Variants in MYO1E observed in about 807,000 individuals in gnomAD.
MYO1E encodes unconventional myosin-Ie.
Under a neutral mutation model 151.1 loss-of-function variants are expected in MYO1E, and 68 were observed. The observed-to-expected ratio is 0.45, with a 90% CI of 0.37 to 0.55. The LOEUF (loss-of-function observed/expected upper bound fraction) is 0.55. Ranked by LOEUF, MYO1E falls within the 20% of genes least tolerant of loss-of-function variation. The pLI is 0.00. For missense variants in MYO1E, 1,363 were observed against 1,389.3 expected, an observed-to-expected ratio of 0.98 and a Z score of 0.30; for synonymous variants, 601 against 501.7, an observed-to-expected ratio of 1.20 and a Z score of -2.64.
chr15:59,299,841 T>C (rs1359781636), intron 1 of MYO1E, among the ~76,000 whole-genome samples: 2 of 152,226 alleles, frequency 1.3e-5, no homozygotes, highest in Non-Finnish European at 2.9e-5. Flanking sequence ...AATCATCATT[T>C]ATGCCATTTA....
rs1279034391 is a variant in MYO1E, at chr15:59,173,843, A to G, written c.2237T>C (p.Ile746Thr). 6 of 1,613,960 alleles carry G rather than the reference A, an allele frequency of 3.7e-6. No homozygotes were observed. The highest frequency in any genetic ancestry group is 1.1e-5 in the South Asian group (1 of 91,078). The change falls in exon 21 of 28, where the codon ATT (isoleucine) becomes ACT (threonine). Residue 746 changes from isoleucine (I) to threonine (T), a missense_variant. By Grantham distance (89) the Ile-to-Thr change is moderately conservative. Coordinates refer to ENST00000288235, the MANE Select transcript of MYO1E (RefSeq NM_004998.4). ...GAGTTCTGGGTGCTCTTCCATCCCA[A>G]TATAATCCCCTATAAAGTTCCTGTT... ...SINRNFIGDY[I>T]GMEEHPELQQ...
intron 6 of MYO1E, among the ~76,000 whole-genome samples, chr15:59,229,271 C>G (rs1164399370): frequency 2.0e-5 from 3 of 152,166 alleles, no homozygotes; most frequent in African/African-American, 7.2e-5. Context: ...ACCTGGGGAG[C>G]CTTTCCAACA....
chr15:59,198,757 T>C (rs1202967236), intron 16 of MYO1E, among the ~76,000 whole-genome samples: 2 of 151,438 alleles, frequency 1.3e-5, no homozygotes, highest in African/African-American at 4.9e-5. Context: ...AGGCAGAGGT[T>C]GCAGTGAGCC....
At chr15:59,323,654 T>C (rs1291217941) in intron 1 of MYO1E, among the ~76,000 whole-genome samples, 1 of 149,232 alleles carries the variant, frequency 6.7e-6, no homozygotes, top group African/African-American at 2.5e-5. Flanking sequence ...AGACTCCGCC[T>C]CAAAAAAGAA....
chr15:59,159,373 C>T lies in MYO1E; in HGVS notation c.2786-994G>A, dbSNP rs1047193330. On this transcript the variant is annotated intron_variant, in intron 24 of 27. Coordinates refer to ENST00000288235, the MANE Select transcript of MYO1E (RefSeq NM_004998.4). This position sits in a 1 kb window ranked among gnomAD's most constrained non-coding sequence, Gnocchi z 4.4. The stretch of plus-strand genomic sequence containing the variant: ...TGGTTATTTGCAGCCTTTCTTTGCC[C>T]GGCTCTGTGCCCTGGGGTCTGAGTC... Among the ~76,000 whole-genome samples the T allele has an allele frequency of 2.4e-4, 37 of 152,372 alleles. No homozygotes were observed. The highest frequency in any genetic ancestry group is 7.7e-4 in the African/African-American group (32 of 41,588).
chr15:59,178,352 C>T, intron 19 of MYO1E, 41 bp downstream of exon 19: 1 of 1,611,206 alleles, frequency 6.2e-7, no homozygotes, highest in Non-Finnish European at 8.5e-7. Context: ...GGCGGGGGCC[C>T]CGCGGGAGGG....
At chr15:59,261,382 C>T (rs1202340478) in intron 3 of MYO1E, 38 bp downstream of exon 3, 1 of 1,430,352 alleles carries the variant, frequency 7.0e-7, no homozygotes, top group Admixed American at 1.7e-5. Flanking sequence ...TCATAAAAGC[C>T]CTAAATAAGG....
rs750776490 is a variant in MYO1E, at chr15:59,223,079, G to A, written c.890C>T (p.Ala297Val). Residue 297 changes from alanine (A) to valine (V), a missense_variant, in exon 9 of 28, where the codon GCG (alanine) becomes GTG (valine). Transcript: ENST00000288235. ...CGCACACTCTTCACTCTCCACAGCC[G>A]CGTAGTTGCCAACTTCTTTGAAGCT... ...NISFKEVGNY[A>V]AVESEEFLAF... The A allele has an allele frequency of 4.3e-6, 7 of 1,613,906 alleles. No homozygotes were observed. Among genetic ancestry groups the A allele is most frequent in the African/African-American group, 4.0e-5 (3 of 74,872 alleles).
intron 4 of MYO1E, among the ~76,000 whole-genome samples, chr15:59,255,063 T>G (rs2080186251): frequency 6.6e-6 from 1 of 152,144 alleles, no homozygotes; most frequent in Non-Finnish European, 1.5e-5. Flanking sequence ...TGACTTCAAG[T>G]GATCTGCCTG....
intron 17 of MYO1E, among the ~76,000 whole-genome samples, chr15:59,190,753 C>T (rs1179899328): frequency 6.6e-5 from 10 of 152,322 alleles, no homozygotes; most frequent in Middle Eastern, 6.8e-3. Flanking sequence ...GCACTTAGTT[C>T]GTAGCACGAG....
intron 5 of MYO1E, among the ~76,000 whole-genome samples, chr15:59,234,051 G>C (rs1040893550): frequency 7.9e-5 from 12 of 152,002 alleles, no homozygotes; most frequent in African/African-American, 2.7e-4. Context: ...CATATGGCTT[G>C]CTTCATCTTT....
At chr15:59,145,779 C>A (rs1314403098) in intron 26 of MYO1E, among the ~76,000 whole-genome samples, 5 of 152,158 alleles carry the variant, frequency 3.3e-5, no homozygotes, top group African/African-American at 1.2e-4. Context: ...TGAGACTGCC[C>A]ATGTTTTCCC....
intron 16 of MYO1E, among the ~76,000 whole-genome samples, chr15:59,196,724 C>G (rs1367069346): frequency 1.3e-5 from 2 of 152,108 alleles, no homozygotes; most frequent in African/African-American, 4.8e-5. Context: ...CTTTGCGATG[C>G]TTGAAATTGA....
In MYO1E at chr15:59,221,025, T is replaced by TTA. The variant is rs1209884399; in HGVS notation, c.910+2032_910+2033dup. Among the ~76,000 whole-genome samples, 75 of 146,026 alleles carry TTA rather than the reference T, an allele frequency of 5.1e-4. No individual in the cohort carries two copies. In the East Asian group the frequency reaches 0.011, roughly 22 times the overall value. ...TATATATATAATATATATATAAAAT[T>TTA]TATATATATATTATATATATATACA... On this transcript the variant is annotated intron_variant, in intron 9 of 27. Transcript: ENST00000288235.
intron 18 of MYO1E, among the ~76,000 whole-genome samples, chr15:59,180,273 ACTAATAG>A (rs1459207086): frequency 1.3e-5 from 2 of 152,216 alleles, no homozygotes; most frequent in Non-Finnish European, 2.9e-5. Flanking sequence ...CACATAAATG[ACTAATAG>A]CAGAACCTGT....
intron 1 of MYO1E, among the ~76,000 whole-genome samples, chr15:59,310,047 G>A (rs1485174143): frequency 1.3e-5 from 2 of 151,986 alleles, no homozygotes; most frequent in Non-Finnish European, 2.9e-5. Context: ...CTGCAATAGC[G>A]CCCTAACTCG....
intron 4 of MYO1E, 93 bp from the exon 5 acceptor site, chr15:59,236,765 CAAAAAAACA>C: frequency 8.5e-7 from 1 of 1,173,874 alleles, no homozygotes; most frequent in East Asian, 2.4e-5. Flanking sequence ...AACAAACAAA[CAAAAAAACA>C]AAAAAAACAG....
chr15:59,210,443 G>T, intron 13 of MYO1E, 71 bp downstream of exon 13: 2 of 1,099,880 alleles, frequency 1.8e-6, no homozygotes, highest in Non-Finnish European at 2.8e-6. Context: ...CTAAAACAAT[G>T]ACACAGAGAA....
chr15:59,177,485 G>C lies in MYO1E; in HGVS notation c.2049+908C>G, dbSNP rs143495960. 5.5e-4 allele frequency among the ~76,000 whole-genome samples: 83 copies of C among 152,166 alleles called. No individual in the cohort carries two copies. In the East Asian group the frequency reaches 0.016, roughly 29 times the overall value. On this transcript the variant is annotated intron_variant, in intron 19 of 27. Coordinates refer to ENST00000288235, the MANE Select transcript of MYO1E (RefSeq NM_004998.4). ...GTGAGTTCCCATATGATTTCCCCTT[G>C]GTCTGATGACTGATTTCTGCCAAGT...
Sources: gnomAD v4.1 joint callset for allele counts (sites outside exome capture counted in the v4.1 genomes callset) on GRCh38, gnomAD v4.1.1 for gene constraint, Gnocchi (gnomAD v3.1) non-coding constraint, MANE v1.5 for transcripts, NCBI Gene and HGNC (gene_info 2026-07-23, HGNC 2026-07-21) for gene names.